Variants in CAMSAP1 observed in about 807,000 individuals in gnomAD.
CAMSAP1 encodes the protein calmodulin regulated spectrin associated protein 1, also known as calmodulin-regulated spectrin-associated protein 1.
In CAMSAP1, 58 loss-of-function variants were observed where a neutral mutation model predicts 143.5. That is an observed-to-expected ratio of 0.40 (90% CI 0.33 to 0.50). CAMSAP1 has a LOEUF of 0.50. Among genes scored for constraint, CAMSAP1 ranks in the 20% least tolerant of loss-of-function variants. The probability of loss-of-function intolerance (pLI) is 0.45; values close to 1 mark genes in which losing one functional copy is unlikely to be tolerated. For synonymous variants in CAMSAP1, 945 were observed against 859.3 expected, an observed-to-expected ratio of 1.10 and a Z score of -1.74; for missense variants, 1,969 against 2,115.7, an observed-to-expected ratio of 0.93 and a Z score of 1.36.
At chr9:135,880,683 A>G (rs929388639) in intron 3 of CAMSAP1, among the ~76,000 whole-genome samples, 1 of 152,202 alleles carries the variant, frequency 6.6e-6, no homozygotes, top group African/African-American at 2.4e-5. Context: ...GCTAACTATC[A>G]GTAACTCCAG....
rs1465950559 is a variant in CAMSAP1, at chr9:135,850,375, T to C, written c.895A>G (p.Lys299Glu). The C allele has an allele frequency of 6.2e-7, 1 of 1,611,410 alleles. No homozygotes were observed. Among genetic ancestry groups the C allele is most frequent in the African/African-American group, 1.3e-5 (1 of 74,886 alleles). ...TCTTCCAAGGTGAGATAAAAACATT[T>C]ATTAAGATATTCATTGGAGAATTCT... Reference protein sequence around the residue: ...LREFSNEYLNKCFYLTLEDML... With the variant: ...LREFSNEYLNECFYLTLEDML... The change falls in exon 6 of 17, where the codon AAA (lysine) becomes GAA (glutamate). Residue 299 changes from lysine to glutamate, a missense_variant. By Grantham distance (56) the Lys-to-Glu change is moderately conservative (BLOSUM62 1). Transcript: ENST00000389532.
chr9:135,887,607 G>A (rs1838166003), intron 1 of CAMSAP1, among the ~76,000 whole-genome samples: 1 of 152,190 alleles, frequency 6.6e-6, no homozygotes, highest in African/African-American at 2.4e-5. Context: ...GCCCAGGTAG[G>A]GCAGTGTCTT....
rs1834945444 is a variant in CAMSAP1 at position 135,809,039 on chromosome 9, A to C, written c.*2270T>G. On this transcript the variant is annotated 3_prime_UTR_variant, in exon 17 of 17. Coordinates refer to ENST00000389532, the MANE Select transcript of CAMSAP1 (RefSeq NM_015447.4). ...CACAAATACCACTGCAGGGGCTTTG[A>C]ATATAGGAGACATTGATAAACAGAG... 1 of 152,212 alleles carries C rather than the reference A, an allele frequency of 6.6e-6. No homozygotes were observed. The highest frequency in any genetic ancestry group is 2.4e-5 in the African/African-American group (1 of 41,450). 9.4% of individuals were successfully genotyped at this position (152,212 alleles called of 1,614,324 possible). A position where few individuals can be genotyped will look rare whatever the true frequency, so the allele number is the denominator to read the frequency against.
intron 1 of CAMSAP1, among the ~76,000 whole-genome samples, chr9:135,900,877 C>T (rs2131028401): frequency 6.6e-6 from 1 of 152,126 alleles, no homozygotes; most frequent in South Asian, 2.1e-4. Context: ...GCCTCAGCCT[C>T]CTGAGTAGCT....
chr9:135,812,005 G>A (rs1588434567), intron 16 of CAMSAP1, among the ~76,000 whole-genome samples: 2 of 152,288 alleles, frequency 1.3e-5, no homozygotes, highest in South Asian at 4.1e-4. Flanking sequence ...CTGCCAGAAG[G>A]ATACAGAGCA....
chr9:135,836,818 G>A (rs1175602346), intron 7 of CAMSAP1: 4 of 979,060 alleles, frequency 4.1e-6, no homozygotes, highest in Non-Finnish European at 4.8e-6. Context: ...CCGTTCTACA[G>A]ACATGTCACC....
intron 5 of CAMSAP1, 109 bp downstream of exon 5, chr9:135,862,358 T>A: frequency 7.9e-7 from 1 of 1,261,030 alleles, no homozygotes; most frequent in Non-Finnish European, 1.1e-6. Context: ...ATATTAAGGA[T>A]TCCATTTTCT....
chr9:135,871,332 G>A (rs543304414), intron 3 of CAMSAP1, among the ~76,000 whole-genome samples: 257 of 152,202 alleles, frequency 1.7e-3, no homozygotes, highest in African/African-American at 5.9e-3. Flanking sequence ...GGGACTACAA[G>A]TACACACCAC....
chr9:135,882,727 G>A lies in CAMSAP1; in HGVS notation c.423+89C>T, dbSNP rs868714460. On this transcript the variant is annotated intron_variant, in intron 2 of 16. Coordinates refer to ENST00000389532, the MANE Select transcript of CAMSAP1 (RefSeq NM_015447.4). This position sits in a 1 kb window ranked among gnomAD's most constrained non-coding sequence, Gnocchi z 4.9. Reference sequence around the variant, plus strand: ...TCTCCACCACCTCGCCGCACACCGTGTTCACACCATCCATGCACCAGGTGC... The same window carrying A: ...TCTCCACCACCTCGCCGCACACCGTATTCACACCATCCATGCACCAGGTGC... 16 of 1,456,384 alleles carry A rather than the reference G, an allele frequency of 1.1e-5. No homozygotes were observed. The highest frequency in any genetic ancestry group is 4.3e-4 in the Middle Eastern group (2 of 4,614). The allele number at this position is 1,456,384 out of a possible 1,614,324, so 90.2% of individuals were successfully genotyped here.
intron 1 of CAMSAP1, among the ~76,000 whole-genome samples, chr9:135,905,458 T>C (rs1838749445): frequency 6.6e-6 from 1 of 151,810 alleles, no homozygotes; most frequent in Non-Finnish European, 1.5e-5. Flanking sequence ...CATGCAGGAG[T>C]AAAACTTTGT....
Position 135,824,728 on chromosome 9 carries a change from T to G in CAMSAP1, c.1315+61A>C. On this transcript the variant is annotated intron_variant, in intron 9 of 16. Coordinates refer to ENST00000389532, the MANE Select transcript of CAMSAP1 (RefSeq NM_015447.4). This position sits in a 1 kb window ranked among gnomAD's most constrained non-coding sequence, Gnocchi z 4.1. ...TAAAATGATTTAATTTTGAGAAATATGATTTTACTAATCTATAGTAAGGAG... is the reference window on the plus strand; with the variant it reads ...TAAAATGATTTAATTTTGAGAAATAGGATTTTACTAATCTATAGTAAGGAG... 8.6e-7 allele frequency: 1 copy of G among 1,156,794 alleles called. No homozygotes were observed. The highest frequency in any genetic ancestry group is 1.5e-5 in the South Asian group (1 of 65,456). The allele number at this position is 1,156,794 out of a possible 1,614,324, so 71.7% of individuals were successfully genotyped here. A position where few individuals can be genotyped will look rare whatever the true frequency, so the allele number is the denominator to read the frequency against.
At chr9:135,904,127 G>C (rs569446435) in intron 1 of CAMSAP1, among the ~76,000 whole-genome samples, 3 of 152,310 alleles carry the variant, frequency 2.0e-5, no homozygotes, top group East Asian at 3.9e-4. Context: ...TAGCACTTTG[G>C]GAGGCCGAGG....
intron 5 of CAMSAP1, among the ~76,000 whole-genome samples, chr9:135,851,587 C>T (rs894352807): frequency 1.3e-5 from 2 of 152,214 alleles, no homozygotes; most frequent in Non-Finnish European, 2.9e-5. Context: ...AAACCCTTTC[C>T]ACTCCTCCTG....
At position 135,822,709 on chromosome 9, in the gene CAMSAP1, G is replaced by C. The variant is rs1835524313; in HGVS notation, c.1952C>G (p.Thr651Ser). The change falls in exon 11 of 17, where the codon ACC becomes AGC. Residue 651 changes from threonine (T) to serine (S), a missense_variant. Transcript: ENST00000389532. This position sits in a 1 kb window ranked among gnomAD's most constrained non-coding sequence, Gnocchi z 6.1. ...TGSRDLNRTF[T>S]PIPCSEFPMG... is the part of the protein sequence containing the mutation. ...GGGGAATTCTGAGCATGGAATCGGG[G>C]TAAAAGTCCTATTCAAGTCGCGACT... 6.2e-7 allele frequency: 1 copy of C among 1,611,632 alleles called. No homozygotes were observed. The highest frequency in any genetic ancestry group is 1.3e-5 in the African/African-American group (1 of 74,748).
chr9:135,850,592 A>T lies in CAMSAP1; in HGVS notation c.809-131T>A. 4.3e-6 allele frequency: 3 copies of T among 692,800 alleles called. No homozygotes were observed. In the South Asian group the frequency reaches 6.7e-5, roughly 16 times the overall value. 42.9% of individuals were successfully genotyped at this position (692,800 alleles called of 1,614,324 possible). ...GATAATGACATTGAGAGATGTAGGG[A>T]GTATAGGATGTACAACAAGTAACAC... On this transcript the variant is annotated intron_variant, in intron 5 of 16. Coordinates refer to ENST00000389532, the MANE Select transcript of CAMSAP1 (RefSeq NM_015447.4).
Position 135,821,957 on chromosome 9 carries a change from G to A in CAMSAP1, c.2704C>T (p.Leu902=). 2 of 1,612,620 alleles carry A rather than the reference G, an allele frequency of 1.2e-6. No homozygotes were observed. The highest frequency in any genetic ancestry group is 8.5e-7 in the Non-Finnish European group (1 of 1,179,500). The change falls in exon 11 of 17, where the codon CTG becomes TTG. Residue 902 remains leucine, a synonymous_variant. Coordinates refer to ENST00000389532, the MANE Select transcript of CAMSAP1 (RefSeq NM_015447.4). This position sits in a 1 kb window ranked among gnomAD's most constrained non-coding sequence, Gnocchi z 4.6. The part of the protein sequence containing the change: ...IEAQKKKMEA[L]SARQRLKLGK... ...AGCTTCAGGCGCTGCCTTGCCGACA[G>A]CGCCTCCATCTTCTTCTTCTGGGCC...
At chr9:135,904,787 G>C (rs1838721900) in intron 1 of CAMSAP1, among the ~76,000 whole-genome samples, 1 of 152,096 alleles carries the variant, frequency 6.6e-6, no homozygotes, top group African/African-American at 2.4e-5. Context: ...GCAATATGGA[G>C]TAACCCGTCT....
chr9:135,811,104 G>T lies in CAMSAP1; in HGVS notation c.*205C>A. Reference sequence around the variant, plus strand: ...TACTCCCCCATCCTCACCCTGCCTGGCATCCTCTGCGTGAGATGAGCGCTG... The same window carrying T: ...TACTCCCCCATCCTCACCCTGCCTGTCATCCTCTGCGTGAGATGAGCGCTG... On this transcript the variant is annotated 3_prime_UTR_variant, in exon 17 of 17. Transcript: ENST00000389532. The surrounding 1 kb of genome is among the most constrained non-coding windows in gnomAD (Gnocchi z 4.9). The T allele has an allele frequency of 1.6e-6, 1 of 626,612 alleles. No homozygotes were observed. The highest frequency in any genetic ancestry group is 2.7e-6 in the Non-Finnish European group (1 of 365,902). 38.8% of individuals were successfully genotyped at this position (626,612 alleles called of 1,614,324 possible).
chr9:135,815,760 T>C lies in CAMSAP1; in HGVS notation c.4387+130A>G, dbSNP rs924549020. On this transcript the variant is annotated intron_variant, in intron 15 of 16. Coordinates refer to ENST00000389532, the MANE Select transcript of CAMSAP1 (RefSeq NM_015447.4). ...CACCAAAGAGCTCAAATTAGCTCTC[T>C]TTCACTACATCAAACATCTTTGTTA... 6.2e-5 allele frequency: 48 copies of C among 777,248 alleles called. No homozygotes were observed. The African/African-American group carries it at 7.3e-4, about 12-fold the overall frequency. 48.1% of individuals were successfully genotyped at this position (777,248 alleles called of 1,614,324 possible). A position where few individuals can be genotyped will look rare whatever the true frequency, so the allele number is the denominator to read the frequency against.
Sources: gnomAD v4.1 joint callset for allele counts (sites outside exome capture counted in the v4.1 genomes callset) on GRCh38, gnomAD v4.1.1 for gene constraint, Gnocchi (gnomAD v3.1) non-coding constraint, MANE v1.5 for transcripts, NCBI Gene and HGNC (gene_info 2026-07-23, HGNC 2026-07-21) for gene names.